Variants in ADGRL4 observed in about 807,000 individuals in gnomAD.
ADGRL4 encodes the protein EGF, latrophilin and seven transmembrane domain containing 1.
ADGRL4 carries 90 observed loss-of-function variants against 74.8 expected under a neutral mutation model. The observed-to-expected ratio is 1.20, with a 90% confidence interval of 1.02 to 1.43. The LOEUF (loss-of-function observed/expected upper bound fraction) is 1.43, where lower values mean the gene tolerates loss of function less well. Among genes scored for constraint, ADGRL4 ranks in the 40% most tolerant of loss-of-function variants. The pLI, the probability that ADGRL4 is intolerant of heterozygous loss-of-function variation, is 0.00. For missense variants in ADGRL4, 881 were observed against 814.3 expected, an observed-to-expected ratio of 1.08 and a Z score of -1.00; for synonymous variants, 311 against 279.2, an observed-to-expected ratio of 1.11 and a Z score of -1.14.
At chr1:78,899,230 G>T (rs988307874) in intron 12 of ADGRL4, among the ~76,000 whole-genome samples, 11 of 152,100 alleles carry the variant, frequency 7.2e-5, no homozygotes, top group African/African-American at 2.7e-4. Flanking sequence ...AAGTCAACTG[G>T]CCTAGGACAG....
At chr1:78,980,737 T>C (rs970175997) in intron 2 of ADGRL4, among the ~76,000 whole-genome samples, 4 of 151,926 alleles carry the variant, frequency 2.6e-5, no homozygotes, top group African/African-American at 9.7e-5. Flanking sequence ...GTCACGAGGT[T>C]CATCTCTCAT....
chr1:78,955,978 G>A (rs1649820940), intron 2 of ADGRL4, among the ~76,000 whole-genome samples: 1 of 152,016 alleles, frequency 6.6e-6, no homozygotes, highest in Non-Finnish European at 1.5e-5. Flanking sequence ...AATAACGATT[G>A]ACTCTAGTCT....
chr1:78,912,518 T>G (rs979512120), intron 12 of ADGRL4, among the ~76,000 whole-genome samples: 1 of 151,856 alleles, frequency 6.6e-6, no homozygotes, highest in Non-Finnish European at 1.5e-5. Context: ...GGATCTAAGC[T>G]ACATGCTCCT....
chr1:78,920,245 A>G lies in ADGRL4; in HGVS notation c.1399T>C (p.Cys467Arg), dbSNP rs910538890. 3 of 1,612,140 alleles carry G rather than the reference A, an allele frequency of 1.9e-6. No homozygotes were observed. The South Asian group carries it at 3.3e-5, about 18-fold the overall frequency. ...STRTTIHKNL[C>R]CSLFLAELVF... The stretch of plus-strand genomic sequence containing the variant: ...AGTTCAGCAAGAAATAGGCTACAGC[A>G]AAGATTTTTGTGAATTGTTGTCCTG... The change falls in exon 10 of 15, where the codon TGC (cysteine) becomes CGC (arginine). Residue 467 changes from cysteine (C) to arginine (R), a missense_variant. Cys to Arg is a radical substitution (Grantham distance 180). Transcript: ENST00000370742.
At chr1:78,902,933 C>T (rs997257682) in intron 12 of ADGRL4, among the ~76,000 whole-genome samples, 18 of 152,040 alleles carry the variant, frequency 1.2e-4, no homozygotes, top group Admixed American at 9.8e-4. Flanking sequence ...GCTTTCCATC[C>T]TTTAGAGTCC....
At chr1:78,891,746 C>T in intron 13 of ADGRL4, 54 bp from the exon 14 acceptor site, 1 of 1,474,626 alleles carries the variant, frequency 6.8e-7, no homozygotes, top group Non-Finnish European at 9.2e-7. Context: ...GTCAACATAT[C>T]TCCCAAATTA....
chr1:78,937,885 T>G lies in ADGRL4; in HGVS notation c.682A>C (p.Thr228Pro). 1 of 1,614,082 alleles carries G rather than the reference T, an allele frequency of 6.2e-7. No homozygotes were observed. Among genetic ancestry groups the G allele is most frequent in the Non-Finnish European group, 8.5e-7 (1 of 1,179,952 alleles). Residue 228 changes from threonine (T) to proline (P), a missense_variant, in exon 6 of 15, where the codon ACT becomes CCT. Physicochemically the swap from Thr to Pro is conservative, Grantham distance 38. Coordinates refer to ENST00000370742, the MANE Select transcript of ADGRL4 (RefSeq NM_022159.4). ...ATCCTTAAAGTAGCTTGTTCAACAG[T>G]GTGCATGAGTTTTGTAAGATGTGTT... ...RRTHLTKLMH[T>P]VEQATLRISQ...
At chr1:78,954,098 G>C (rs1041060977) in intron 2 of ADGRL4, among the ~76,000 whole-genome samples, 1 of 151,886 alleles carries the variant, frequency 6.6e-6, no homozygotes, top group Admixed American at 6.6e-5. Context: ...GTGAGCCAAG[G>C]TCATGCCATT....
At chr1:78,945,177 A>AAAAAAAAAAAAAATATATAT (rs376405445) in intron 3 of ADGRL4, among the ~76,000 whole-genome samples, 1 of 127,924 alleles carries the variant, frequency 7.8e-6, no homozygotes, top group East Asian at 2.7e-4. Context: ...AAAAAAAAAA[A>AAAAAAAAAAAAAATATATAT]ATATATATAT....
intron 12 of ADGRL4, among the ~76,000 whole-genome samples, chr1:78,894,995 G>A (rs149248987): frequency 7.6e-4 from 115 of 152,048 alleles, no homozygotes; most frequent in African/African-American, 2.6e-3. Flanking sequence ...TGCTGAACTA[G>A]TGAAGAGAGG....
intron 12 of ADGRL4, among the ~76,000 whole-genome samples, chr1:78,896,106 G>A (rs971939751): frequency 3.3e-5 from 5 of 151,454 alleles, no homozygotes; most frequent in African/African-American, 1.2e-4. Context: ...CAGACCCAAT[G>A]GTTCATGCCA....
intron 2 of ADGRL4, among the ~76,000 whole-genome samples, chr1:78,952,720 A>G (rs995922483): frequency 1.3e-5 from 2 of 152,200 alleles, no homozygotes; most frequent in African/African-American, 4.8e-5. Flanking sequence ...TGTTACAATT[A>G]TAAAGGTAAA....
chr1:78,973,521 C>T (rs933322959), intron 2 of ADGRL4, among the ~76,000 whole-genome samples: 2 of 151,018 alleles, frequency 1.3e-5, no homozygotes, highest in Non-Finnish European at 3.0e-5. Flanking sequence ...AAATGTAACA[C>T]ACGCAAATCT....
intron 9 of ADGRL4, among the ~76,000 whole-genome samples, chr1:78,920,670 C>T (rs954132325): frequency 5.3e-5 from 8 of 151,484 alleles, no homozygotes; most frequent in Admixed American, 2.6e-4. Flanking sequence ...ACAATGTTAT[C>T]GTCATTAATT....
intron 2 of ADGRL4, among the ~76,000 whole-genome samples, chr1:78,976,869 C>G (rs1448165117): frequency 2.7e-5 from 4 of 150,830 alleles, no homozygotes; most frequent in African/African-American, 9.7e-5. Flanking sequence ...AAAATACTAA[C>G]TCTACATAAA....
chr1:78,968,791 T>G (rs375312211), intron 2 of ADGRL4, among the ~76,000 whole-genome samples: 39 of 152,340 alleles, frequency 2.6e-4, no homozygotes, highest in African/African-American at 9.1e-4. Flanking sequence ...CATGAAAATT[T>G]GTTATTCACA....
chr1:78,953,867 G>A (rs899222616), intron 2 of ADGRL4, among the ~76,000 whole-genome samples: 9 of 152,132 alleles, frequency 5.9e-5, no homozygotes, highest in Admixed American at 1.3e-4. Context: ...GGTCTGCACC[G>A]GCCAGGCTAG....
At position 78,945,177 on chromosome 1, in the gene ADGRL4, A is replaced by AAAAAAAAAAAAATAT. The variant is rs376405445; in HGVS notation, c.325+1096_325+1097insATATTTTTTTTTTTT. Among the ~76,000 whole-genome samples the AAAAAAAAAAAAATAT allele has an allele frequency of 1.1e-3, 135 of 127,906 alleles. No homozygotes were observed. In the East Asian group the frequency reaches 0.012, roughly 11 times the overall value. The allele number at this position is 127,906 out of a possible 152,430, so 83.9% of individuals were successfully genotyped here. ...GAGACTCTGTCTCAAAAAAAAAAAAAATATATATATATATATATATCTCAA... is the reference window on the plus strand; with the variant it reads ...GAGACTCTGTCTCAAAAAAAAAAAAAAAAAAAAAAAAATATATATATATATATATATATATCTCAA... On this transcript the variant is annotated intron_variant, in intron 3 of 14. Transcript: ENST00000370742.
At chr1:78,925,382 G>A (rs1178498114) in intron 8 of ADGRL4, among the ~76,000 whole-genome samples, 1 of 151,962 alleles carries the variant, frequency 6.6e-6, no homozygotes, top group African/African-American at 2.4e-5. Context: ...AATACTGCCT[G>A]GTTTCTAACA....
Sources: gnomAD v4.1 joint callset for allele counts (sites outside exome capture counted in the v4.1 genomes callset) on GRCh38, gnomAD v4.1.1 for gene constraint, MANE v1.5 for transcripts, NCBI Gene and HGNC (gene_info 2026-07-23, HGNC 2026-07-21) for gene names.